Variants in YWHAE observed in about 807,000 individuals in gnomAD.
YWHAE encodes the protein 14-3-3 protein epsilon.
YWHAE carries 4 observed loss-of-function variants against 30.1 expected under a neutral mutation model. The ratio of observed to expected loss-of-function variants is 0.13; its 90% CI spans 0.07 to 0.30. The LOEUF is 0.30. Among genes scored for constraint, YWHAE ranks in the 10% least tolerant of loss-of-function variants. The pLI, the probability that YWHAE is intolerant of heterozygous loss-of-function variation, is 1.00. For missense variants in YWHAE, 121 were observed against 315.9 expected (o/e 0.38, Z 4.68); for synonymous variants, 118 against 111.8 (o/e 1.06, Z -0.35).
At chr17:1,379,722 T>TA (rs2073176429) in intron 1 of YWHAE, among the ~76,000 whole-genome samples, 1 of 152,186 alleles carries the variant, frequency 6.6e-6, no homozygotes, top group Non-Finnish European at 1.5e-5. Context: ...TGGAGCGTGT[T>TA]ACGATGAGTT....
intron 2 of YWHAE, 57 bp from the exon 3 acceptor site, chr17:1,362,065 T>C: frequency 9.5e-7 from 1 of 1,056,822 alleles, no homozygotes. Context: ...CTACAAATTA[T>C]TACATATTCT....
At chr17:1,376,843 C>G (rs561933064) in intron 1 of YWHAE, among the ~76,000 whole-genome samples, 1 of 152,002 alleles carries the variant, frequency 6.6e-6, no homozygotes, top group African/African-American at 2.4e-5. Context: ...TGTTCAGAAT[C>G]TGCCATGGGA....
At chr17:1,365,294 C>T (rs1271775408) in intron 1 of YWHAE, among the ~76,000 whole-genome samples, 1 of 152,024 alleles carries the variant, frequency 6.6e-6, no homozygotes, top group Non-Finnish European at 1.5e-5. Context: ...ACTTCATATA[C>T]TATCTAATAT....
chr17:1,389,859 T>C (rs962225906), intron 1 of YWHAE, among the ~76,000 whole-genome samples: 3 of 150,864 alleles, frequency 2.0e-5, no homozygotes, highest in African/African-American at 4.9e-5. Context: ...CTTTCTTTTT[T>C]TGAGACAGAG....
At chr17:1,394,984 A>C (rs774616918) in intron 1 of YWHAE, among the ~76,000 whole-genome samples, 1 of 152,158 alleles carries the variant, frequency 6.6e-6, no homozygotes, top group Non-Finnish European at 1.5e-5. Context: ...AATAAAAATA[A>C]AACTGCAGCC....
chr17:1,365,689 A>G (rs992585818), intron 1 of YWHAE, among the ~76,000 whole-genome samples: 12 of 152,232 alleles, frequency 7.9e-5, no homozygotes, highest in African/African-American at 2.9e-4. Context: ...GTGTGAATGC[A>G]AAGCGCCACA....
At chr17:1,380,493 G>C (rs55791306) in intron 1 of YWHAE, among the ~76,000 whole-genome samples, 9,444 of 152,266 alleles carry the variant, frequency 0.062, 353 homozygotes, top group Non-Finnish European at 0.082. Flanking sequence ...ATAACATGGA[G>C]GATATCCAGC....
intron 5 of YWHAE, among the ~76,000 whole-genome samples, chr17:1,349,934 A>G (rs893829362): frequency 6.9e-6 from 1 of 145,880 alleles, no homozygotes; most frequent in Non-Finnish European, 1.5e-5. Flanking sequence ...TAGATTTTTA[A>G]AAACTGCGAA....
chr17:1,364,681 T>C, intron 2 of YWHAE, 178 bp downstream of exon 2: 4 of 765,870 alleles, frequency 5.2e-6, no homozygotes, highest in East Asian at 5.3e-5. Flanking sequence ...TCCTCATGCA[T>C]AGCCACGGGT....
intron 5 of YWHAE, among the ~76,000 whole-genome samples, chr17:1,352,671 G>C (rs2072654946): frequency 6.6e-6 from 1 of 152,176 alleles, no homozygotes; most frequent in Admixed American, 6.5e-5. Context: ...GACTACAGGA[G>C]CCCGCCACCA....
At chr17:1,374,215 G>C (rs1217423389) in intron 1 of YWHAE, among the ~76,000 whole-genome samples, 2 of 151,906 alleles carry the variant, frequency 1.3e-5, no homozygotes, top group Admixed American at 1.3e-4. Flanking sequence ...CTACTCGGGA[G>C]GCTGAAGCAG....
At chr17:1,388,380 G>A (rs2150874620) in intron 1 of YWHAE, among the ~76,000 whole-genome samples, 1 of 151,756 alleles carries the variant, frequency 6.6e-6, no homozygotes, top group East Asian at 2.0e-4. Context: ...GCCGGGCGTG[G>A]TGGCAGGCGC....
chr17:1,375,679 T>C (rs1480549210), intron 1 of YWHAE, among the ~76,000 whole-genome samples: 1 of 152,240 alleles, frequency 6.6e-6, no homozygotes, highest in African/African-American at 2.4e-5. Context: ...TAAGTCTCTT[T>C]AGTTCCAAGT....
At chr17:1,350,152 A>G (rs954044049) in intron 5 of YWHAE, among the ~76,000 whole-genome samples, 17 of 149,802 alleles carry the variant, frequency 1.1e-4, no homozygotes, top group Non-Finnish European at 4.4e-5. Flanking sequence ...GGGTTTCTCC[A>G]TGTTGGTCAG....
chr17:1,366,247 A>T (rs1437073246), intron 1 of YWHAE, among the ~76,000 whole-genome samples: 1 of 151,740 alleles, frequency 6.6e-6, no homozygotes, highest in Non-Finnish European at 1.5e-5. Flanking sequence ...ATAAAAATAA[A>T]AATAAAAATA....
intron 1 of YWHAE, among the ~76,000 whole-genome samples, chr17:1,386,423 G>T (rs1038019713): frequency 6.6e-6 from 1 of 152,184 alleles, no homozygotes; most frequent in South Asian, 2.1e-4. Context: ...TCCTTGAAAA[G>T]ATCTTTTGTC....
At chr17:1,389,555 G>A (rs546382108) in intron 1 of YWHAE, among the ~76,000 whole-genome samples, 35 of 149,748 alleles carry the variant, frequency 2.3e-4, no homozygotes, top group Middle Eastern at 3.4e-3. Flanking sequence ...TTTTGAGATG[G>A]AGTCTCGCTC....
rs147882027 is a variant in YWHAE at position 1,393,135 on chromosome 17, A to AAAATAAAT, written c.64+6904_64+6911dup. ...ACAGAGCAAGACTCCATCTCTCCAAAAAATAAATAAATAAATAAATAAATA... is the reference window on the plus strand; with the variant it reads ...ACAGAGCAAGACTCCATCTCTCCAAAAAATAAATAAATAAATAAATAAATAAATAAATA... On this transcript the variant is annotated intron_variant, in intron 1 of 5. Coordinates refer to ENST00000264335, the MANE Select transcript of YWHAE (RefSeq NM_006761.5). Among the ~76,000 whole-genome samples, 146 of 144,360 alleles carry AAAATAAAT rather than the reference A, an allele frequency of 1.0e-3. 1 individual carries two copies. Among genetic ancestry groups the AAAATAAAT allele is most frequent in the Non-Finnish European group, 1.6e-3 (105 of 66,264 alleles). 94.7% of individuals were successfully genotyped at this position (144,360 alleles called of 152,430 possible).
At chr17:1,351,840 C>A (rs1485076502) in intron 5 of YWHAE, among the ~76,000 whole-genome samples, 1 of 152,060 alleles carries the variant, frequency 6.6e-6, no homozygotes, top group Non-Finnish European at 1.5e-5. Context: ...GGCTAGAGTG[C>A]AGTGGGGCGT....
Sources: gnomAD v4.1 joint callset for allele counts (sites outside exome capture counted in the v4.1 genomes callset) on GRCh38, gnomAD v4.1.1 for gene constraint, MANE v1.5 for transcripts, NCBI Gene and HGNC (gene_info 2026-07-23, HGNC 2026-07-21) for gene names.